CCDC88B: variants seen among roughly 807,000 people sequenced by gnomAD.
CCDC88B encodes coiled-coil domain-containing protein 88B.
A neutral mutation model predicts 183.7 loss-of-function variants in CCDC88B; 138 were observed. The ratio of observed to expected loss-of-function variants is 0.75; its 90% CI spans 0.65 to 0.87. CCDC88B has a LOEUF of 0.87. Ranked by LOEUF, CCDC88B falls within the 40% of genes least tolerant of loss-of-function variation. The pLI, the probability that CCDC88B is intolerant of heterozygous loss-of-function variation, is 0.00. For synonymous variants in CCDC88B, 835 were observed against 867.5 expected (o/e 0.96, Z 0.66); for missense variants, 1,822 against 1,965.6 (o/e 0.93, Z 1.38).
In CCDC88B at chr11:64,349,343, GCTGTGGTGC is replaced by G; in HGVS notation, c.2630_2638del (p.Ala877_Arg880delinsGly). 6.2e-7 allele frequency: 1 copy of G among 1,609,800 alleles called. No homozygotes were observed. Among genetic ancestry groups the G allele is most frequent in the African/African-American group, 1.3e-5 (1 of 74,994 alleles). ...TGCTTGCCCTCAGGAGCTGGAGAAA[GCTGTGGTGC>G]GGGGCAAGGAGTTGGGGGACCGGCT... is the stretch of plus-strand genomic sequence containing the variant. On this transcript the variant is annotated inframe_deletion, in exon 15 of 27. Coordinates refer to ENST00000356786, the MANE Select transcript of CCDC88B (RefSeq NM_032251.6).
chr11:64,348,905 C>T (rs1347986256), intron 14 of CCDC88B: 8 of 679,866 alleles, frequency 1.2e-5, no homozygotes, highest in Admixed American at 2.1e-5. Context: ...TCCAGCCCTC[C>T]GTGGCCTTTT....
At chr11:64,349,862 C>G (rs1450031191) in intron 16 of CCDC88B, 194 bp downstream of exon 16, 1 of 608,058 alleles carries the variant, frequency 1.6e-6, no homozygotes, top group African/African-American at 1.9e-5. Flanking sequence ...TATCTGGGGT[C>G]TCATTTTCCC....
chr11:64,352,675 G>A, intron 19 of CCDC88B, 69 bp from the exon 20 acceptor site: 1 of 1,606,358 alleles, frequency 6.2e-7, no homozygotes, highest in Non-Finnish European at 8.5e-7. Context: ...CCCGGGTCCA[G>A]ATAGTCCAGC....
In CCDC88B at chr11:64,345,067, C is replaced by T. The variant is rs933343859; in HGVS notation, c.2526C>T (p.Ala842=). The T allele has an allele frequency of 4.5e-5, 69 of 1,550,438 alleles. No homozygotes were observed. Among genetic ancestry groups the T allele is most frequent in the Admixed American group, 9.7e-5 (5 of 51,408 alleles). ...GGCTGCGGGCCCAGTCGGAGGCCGC[C>T]GAGGAACGGATGCAGGTGCTGGAGA... ...GSRLRAQSEA[A]EERMQVLESE... The change falls in exon 14 of 27, where the codon GCC becomes GCT. Residue 842 remains alanine, a synonymous_variant. Transcript: ENST00000356786.
At chr11:64,351,740 AT>A (rs2135312268) in intron 18 of CCDC88B, 124 bp downstream of exon 18, 8 of 1,256,522 alleles carry the variant, frequency 6.4e-6, no homozygotes, top group Non-Finnish European at 8.5e-6. Flanking sequence ...CCCCAGTCTC[AT>A]TTATCCTTGT....
chr11:64,352,802 GCAGA>G lies in CCDC88B; in HGVS notation c.3416_3419del (p.Ala1139GlyfsTer5). 2 of 1,613,376 alleles carry G rather than the reference GCAGA, an allele frequency of 1.2e-6. No individual in the cohort carries two copies. Among genetic ancestry groups the G allele is most frequent in the Non-Finnish European group, 1.7e-6 (2 of 1,179,952 alleles). On this transcript the variant is annotated frameshift_variant, in exon 20 of 27. Coordinates refer to ENST00000356786, the MANE Select transcript of CCDC88B (RefSeq NM_032251.6). LOFTEE classifies it high-confidence loss of function. ...GGAGGCACAGGAGGTGGCCCTGCTG[GCAGA>G]GCGTGAACGCCTGATGCAAGATGGG...
At chr11:64,353,323 C>T in intron 21 of CCDC88B, 28 bp from the exon 22 acceptor site, 1 of 1,609,406 alleles carries the variant, frequency 6.2e-7, no homozygotes, top group Non-Finnish European at 8.5e-7. Flanking sequence ...TGGGTCCCAC[C>T]CTCCGAGCCA....
Position 64,344,513 on chromosome 11 carries a change from G to A in CCDC88B, c.1972G>A (p.Val658Met). 2 of 1,608,264 alleles carry A rather than the reference G, an allele frequency of 1.2e-6. No individual in the cohort carries two copies. Among genetic ancestry groups the A allele is most frequent in the Middle Eastern group, 1.7e-4 (1 of 5,964 alleles). The change falls in exon 14 of 27, where the codon GTG (valine) becomes ATG (methionine). Residue 658 changes from valine (V) to methionine (M), a missense_variant. Transcript: ENST00000356786. The surrounding 1 kb of genome is among the most constrained non-coding windows in gnomAD (Gnocchi z 4.5). ...GCCAGGGCCTTCGGAGCCCAGCTCT[G>A]TGCAGCTGGAGGAGCAGGAGGGCCC... ...HKPGPSEPSSVQLEEQEGPNQ... is the reference protein window; with the variant it reads ...HKPGPSEPSSMQLEEQEGPNQ...
rs774010982 is a variant in CCDC88B, at chr11:64,357,145, T to C, written c.*51T>C. ...GTGCAGCCTTCTCGGCACTGGAGTG[T>C]CAGCGGAGGCCCCAGGCAGCCCAAG... is the stretch of plus-strand genomic sequence containing the variant. On this transcript the variant is annotated 3_prime_UTR_variant, in exon 27 of 27. Transcript: ENST00000356786. The C allele has an allele frequency of 6.2e-7, 1 of 1,606,950 alleles. No homozygotes were observed. Among genetic ancestry groups the C allele is most frequent in the South Asian group, 1.1e-5 (1 of 90,944 alleles).
rs546626931 is a variant in CCDC88B, at chr11:64,355,490, C to G, written c.4307-70C>G. The G allele has an allele frequency of 3.1e-6, 5 of 1,594,950 alleles. No individual in the cohort carries two copies. The South Asian group carries it at 5.6e-5, about 18-fold the overall frequency. On this transcript the variant is annotated intron_variant, in intron 25 of 26. Coordinates refer to ENST00000356786, the MANE Select transcript of CCDC88B (RefSeq NM_032251.6). ...GGGGAGGAGGCTTCCTTCTTGTCCCCTGTGTCTCCTGCAAGCTCTGTCCAC... is the reference window on the plus strand; with the variant it reads ...GGGGAGGAGGCTTCCTTCTTGTCCCGTGTGTCTCCTGCAAGCTCTGTCCAC...
intron 18 of CCDC88B, 61 bp from the exon 19 acceptor site, chr11:64,352,069 T>G (rs201771313): frequency 8.5e-5 from 128 of 1,510,256 alleles, no homozygotes; most frequent in Non-Finnish European, 1.1e-4. Flanking sequence ...CCCCCGCCTC[T>G]CACTCGATTT....
Position 64,355,186 on chromosome 11 carries a change from T to C in CCDC88B, c.4100-8T>C. 6.9e-7 allele frequency: 1 copy of C among 1,458,978 alleles called. No homozygotes were observed. Among genetic ancestry groups the C allele is most frequent in the Admixed American group, 2.7e-5 (1 of 37,086 alleles). The allele number at this position is 1,458,978 out of a possible 1,614,324, so 90.4% of individuals were successfully genotyped here. A position where few individuals can be genotyped will look rare whatever the true frequency, so the allele number is the denominator to read the frequency against. Reference sequence around the variant, plus strand: ...CTCTCACCCCCTCCCTGCATGTACCTCTTGCAGGGTCCCCTTCCCCGGCAC... The same window carrying C: ...CTCTCACCCCCTCCCTGCATGTACCCCTTGCAGGGTCCCCTTCCCCGGCAC... On this transcript the variant is annotated splice_polypyrimidine_tract_variant and splice_region_variant and intron_variant, in intron 24 of 26. Transcript: ENST00000356786.
At chr11:64,345,228 A>C (rs2036061839) in intron 14 of CCDC88B, 71 bp downstream of exon 14, 8 of 1,482,308 alleles carry the variant, frequency 5.4e-6, no homozygotes, top group Non-Finnish European at 7.2e-6. Flanking sequence ...TACTGATTCC[A>C]TCAGCAGCTG....
rs1467192343 is a variant in CCDC88B, at chr11:64,343,209, G to A, written c.1093G>A (p.Ala365Thr). Residue 365 changes from alanine (A) to threonine (T), a missense_variant, in exon 11 of 27, where the codon GCG becomes ACG. Coordinates refer to ENST00000356786, the MANE Select transcript of CCDC88B (RefSeq NM_032251.6). ...EERVLSGVLEASKALLEEQLE... is the reference protein window; with the variant it reads ...EERVLSGVLETSKALLEEQLE... ...GCGGGTGCTCTCGGGGGTGCTGGAG[G>A]CGTCCAAGGCGCTGCTGGAAGAGCA... The A allele has an allele frequency of 1.3e-6, 2 of 1,542,224 alleles. No individual in the cohort carries two copies. The highest frequency in any genetic ancestry group is 8.7e-7 in the Non-Finnish European group (1 of 1,144,168).
chr11:64,350,950 G>C (rs614047), intron 16 of CCDC88B, among the ~76,000 whole-genome samples: 147,189 of 152,308 alleles, frequency 0.97, 71,315 homozygotes, highest in Middle Eastern at 1. Context: ...CTGCCGCAGA[G>C]AGACAGAAGT....
chr11:64,340,580 C>G, intron 1 of CCDC88B, 27 bp from the exon 2 acceptor site: 1 of 1,597,018 alleles, frequency 6.3e-7, no homozygotes, highest in Non-Finnish European at 8.5e-7. Context: ...CTCTGCTGGT[C>G]GGCTGACCCC....
At position 64,340,218 on chromosome 11, in the gene CCDC88B, C is replaced by T; in HGVS notation, c.-49C>T. ...CCCCACTCGGGGACTTCCTCTTCCTCTCAGGGCAGGTGCAGCTGCCACAGT... is the reference window on the plus strand; with the variant it reads ...CCCCACTCGGGGACTTCCTCTTCCTTTCAGGGCAGGTGCAGCTGCCACAGT... On this transcript the variant is annotated 5_prime_UTR_variant, in exon 1 of 27. Coordinates refer to ENST00000356786, the MANE Select transcript of CCDC88B (RefSeq NM_032251.6). 8.4e-7 allele frequency: 1 copy of T among 1,189,894 alleles called. No homozygotes were observed. The highest frequency in any genetic ancestry group is 1.1e-6 in the Non-Finnish European group (1 of 926,712). 73.7% of individuals were successfully genotyped at this position (1,189,894 alleles called of 1,614,324 possible).
intron 21 of CCDC88B, 41 bp downstream of exon 21, chr11:64,353,281 G>C (rs1428649172): frequency 6.3e-7 from 1 of 1,577,280 alleles, no homozygotes; most frequent in African/African-American, 1.3e-5. Context: ...CGTGTGGTGG[G>C]GCAGAAAGCC....
Position 64,352,329 on chromosome 11 carries a change from G to A in CCDC88B, c.3299G>A (p.Arg1100Gln), listed in dbSNP as rs200365246. ...CTAGAGGGACTGCTGGTGCGGCACC[G>A]AGACCTCAAGGCCAACATGCGGGCA... ...AELEGLLVRH[R>Q]DLKANMRALE... The change falls in exon 19 of 27, where the codon CGA (arginine) becomes CAA (glutamine). Residue 1100 changes from arginine (R) to glutamine (Q), a missense_variant. Coordinates refer to ENST00000356786, the MANE Select transcript of CCDC88B (RefSeq NM_032251.6). 5.2e-4 allele frequency: 808 copies of A among 1,548,244 alleles called. No individual in the cohort carries two copies. The highest frequency in any genetic ancestry group is 6.7e-4 in the Non-Finnish European group (767 of 1,147,754).
Sources: allele counts gnomAD v4.1 joint callset (sites outside exome capture counted in the v4.1 genomes callset), GRCh38; gene constraint gnomAD v4.1.1; non-coding constraint Gnocchi (gnomAD v3.1); transcripts MANE v1.5; gene names NCBI Gene and HGNC (gene_info 2026-07-23, HGNC 2026-07-21).